Variants in ENTREP1 observed in about 807,000 individuals in gnomAD.
ENTREP1 encodes the protein Friedreich ataxia region gene X123.
the ENTREP1 span, chr9:69,384,005 G>A: frequency 6.2e-7 from 1 of 1,612,184 alleles, no homozygotes; most frequent in South Asian, 1.1e-5. Flanking sequence ...TTGGATCTGG[G>A]CTGCACACAA....
chr9:69,384,202 G>GAA, the ENTREP1 span, among the ~76,000 whole-genome samples: 373 of 150,292 alleles, frequency 2.5e-3, 2 homozygotes, highest in African/African-American at 8.7e-3. Flanking sequence ...TCTACAAACG[G>GAA]AAAAAAAAAA....
chr9:69,348,216 C>G, the ENTREP1 span, among the ~76,000 whole-genome samples: 1 of 152,252 alleles, frequency 6.6e-6, no homozygotes, highest in South Asian at 2.1e-4. Flanking sequence ...CTGGGGTCAA[C>G]TGATCCTCCC....
the ENTREP1 span, among the ~76,000 whole-genome samples, chr9:69,370,731 A>G: frequency 6.6e-6 from 1 of 152,218 alleles, no homozygotes; most frequent in Non-Finnish European, 1.5e-5. Context: ...TTTACCAGCC[A>G]ACTCTGACAT....
the ENTREP1 span, chr9:69,324,882 T>G: frequency 1.0e-6 from 1 of 985,200 alleles, no homozygotes; most frequent in Non-Finnish European, 1.2e-6. Flanking sequence ...GCTGAGACTC[T>G]CGGTGGCCGG....
At chr9:69,368,928 G>A in the ENTREP1 span, among the ~76,000 whole-genome samples, 1 of 151,960 alleles carries the variant, frequency 6.6e-6, no homozygotes, top group African/African-American at 2.4e-5. Flanking sequence ...ATGGTTTGCT[G>A]CACCCATCAA....
chr9:69,332,012 C>T, the ENTREP1 span, among the ~76,000 whole-genome samples: 1 of 152,176 alleles, frequency 6.6e-6, no homozygotes, highest in African/African-American at 2.4e-5. Context: ...CCCCTTTCCC[C>T]GTCTGTGAAT....
At chr9:69,384,923 T>C in the ENTREP1 span, among the ~76,000 whole-genome samples, 2 of 152,144 alleles carry the variant, frequency 1.3e-5, no homozygotes, top group East Asian at 1.9e-4. Flanking sequence ...TAACTTTATT[T>C]TTATTTATTT....
the ENTREP1 span, among the ~76,000 whole-genome samples, chr9:69,337,506 G>A: frequency 7.7e-4 from 117 of 152,032 alleles, 1 homozygote; most frequent in African/African-American, 2.7e-3. Flanking sequence ...TGTTATTGAG[G>A]TAAAATTTAT....
the ENTREP1 span, among the ~76,000 whole-genome samples, chr9:69,335,101 A>C: frequency 6.6e-6 from 1 of 151,902 alleles, no homozygotes; most frequent in Non-Finnish European, 1.5e-5. Context: ...TTTTTTATTG[A>C]AGTGTCATTT....
the ENTREP1 span, chr9:69,387,931 A>G: frequency 6.7e-7 from 1 of 1,493,338 alleles, no homozygotes; most frequent in African/African-American, 1.4e-5. Context: ...GTGGTGTCGT[A>G]CATGACACAA....
the ENTREP1 span, among the ~76,000 whole-genome samples, chr9:69,384,518 A>G: frequency 2.6e-5 from 4 of 152,222 alleles, no homozygotes; most frequent in South Asian, 2.1e-4. Flanking sequence ...AGTTTCCTCT[A>G]TTGCAAGGTG....
the ENTREP1 span, among the ~76,000 whole-genome samples, chr9:69,343,906 G>A: frequency 6.6e-6 from 1 of 152,296 alleles, no homozygotes; most frequent in African/African-American, 2.4e-5. Context: ...CTATTCTTGG[G>A]TGTAGCTTGG....
the ENTREP1 span, among the ~76,000 whole-genome samples, chr9:69,335,542 G>A: frequency 1.3e-5 from 2 of 152,206 alleles, no homozygotes; most frequent in East Asian, 1.9e-4. Flanking sequence ...ATGTGGTGGA[G>A]GGGCCAGGGT....
At chr9:69,371,384 C>G in the ENTREP1 span, 2 of 859,520 alleles carry the variant, frequency 2.3e-6, no homozygotes, top group South Asian at 2.7e-5. Flanking sequence ...CGGTTCTGAT[C>G]TTTTTTTAAA....
the ENTREP1 span, among the ~76,000 whole-genome samples, chr9:69,353,794 CTCT>C: frequency 9.2e-5 from 14 of 152,178 alleles, no homozygotes; most frequent in East Asian, 1.9e-4. Context: ...TTCTAGAATA[CTCT>C]TCTTCTTCCT....
At chr9:69,388,410 A>C in the ENTREP1 span, 1 of 1,611,194 alleles carries the variant, frequency 6.2e-7, no homozygotes, top group Non-Finnish European at 8.5e-7. Context: ...GATGAGGAGC[A>C]CATGGAGGAA....
chr9:69,371,552 A>T, the ENTREP1 span: 1 of 1,613,750 alleles, frequency 6.2e-7, no homozygotes, highest in Non-Finnish European at 8.5e-7. Context: ...ATCTAGCTGG[A>T]TTTATCCTAG....
the ENTREP1 span, chr9:69,383,824 C>G: frequency 6.3e-7 from 1 of 1,597,344 alleles, no homozygotes; most frequent in Non-Finnish European, 8.6e-7. Flanking sequence ...CACCGCCCCA[C>G]CCCCTGCCCC....
chr9:69,340,694 T>C, the ENTREP1 span, among the ~76,000 whole-genome samples: 18 of 76,808 alleles, frequency 2.3e-4, no homozygotes, highest in East Asian at 1.6e-3. Flanking sequence ...TGTGTGTGTG[T>C]ATGTGTGTGT....
Sources: gnomAD v4.1 joint callset for allele counts (sites outside exome capture counted in the v4.1 genomes callset) on GRCh38, gnomAD v4.1.1 for gene constraint, MANE v1.5 for transcripts, NCBI Gene and HGNC (gene_info 2026-07-23, HGNC 2026-07-21) for gene names.